The following PTPN21 variants were observed in gnomAD, a reference collection of about 807,000 sequenced individuals.
PTPN21 encodes the protein tyrosine-protein phosphatase non-receptor type 21.
In PTPN21, 77 loss-of-function variants were observed where a neutral mutation model predicts 131.8. The observed-to-expected ratio is 0.58, with a 90% CI of 0.49 to 0.71. The LOEUF is 0.71. Ranked by LOEUF, PTPN21 falls within the 30% of genes least tolerant of loss-of-function variation. PTPN21 has a pLI of 0.00. For synonymous variants in PTPN21, 715 were observed against 621.3 expected (o/e 1.15, Z -2.24); for missense variants, 1,552 against 1,527.1 (o/e 1.02, Z -0.27).
At chr14:88,546,430 G>T (rs2078781605) in intron 2 of PTPN21, among the ~76,000 whole-genome samples, 1 of 151,164 alleles carries the variant, frequency 6.6e-6, no homozygotes, top group Admixed American at 6.6e-5. Context: ...ACAAAAATTA[G>T]CCGGGCATGG....
At chr14:88,482,425 G>C (rs1247294223) in intron 12 of PTPN21, among the ~76,000 whole-genome samples, 1 of 152,096 alleles carries the variant, frequency 6.6e-6, no homozygotes, top group Non-Finnish European at 1.5e-5. Flanking sequence ...GGGAGTTTGA[G>C]ACCAGCCTGA....
In PTPN21 at chr14:88,518,288, G is replaced by A. The variant is rs1334258684; in HGVS notation, c.181-1027C>T. On this transcript the variant is annotated intron_variant, in intron 2 of 18. Coordinates refer to ENST00000556564, the MANE Select transcript of PTPN21 (RefSeq NM_007039.4). ...TATATATATATACACACACACATAC[G>A]CACACACACACACATATATGTGTAT... Among the ~76,000 whole-genome samples, 196 of 49,662 alleles carry A rather than the reference G, an allele frequency of 3.9e-3. 4 individuals carry two copies. The highest frequency in any genetic ancestry group is 0.012 in the African/African-American group (164 of 14,148). The allele number at this position is 49,662 out of a possible 152,430, so 32.6% of individuals were successfully genotyped here.
chr14:88,516,546 C>T (rs1349128967), intron 3 of PTPN21, among the ~76,000 whole-genome samples: 2 of 152,100 alleles, frequency 1.3e-5, no homozygotes, highest in Admixed American at 1.3e-4. Flanking sequence ...CTTAGTTCCT[C>T]TATTCTGCTC....
At chr14:88,532,892 G>A (rs932096415) in intron 2 of PTPN21, among the ~76,000 whole-genome samples, 2 of 152,148 alleles carry the variant, frequency 1.3e-5, no homozygotes, top group African/African-American at 4.8e-5. Context: ...AATTAGTCAT[G>A]TATTCAACAA....
chr14:88,480,453 C>CT (rs1197826071), intron 12 of PTPN21, 101 bp from the exon 13 acceptor site: 1 of 962,872 alleles, frequency 1.0e-6, no homozygotes, highest in Admixed American at 2.6e-5. Flanking sequence ...TTTAACACAG[C>CT]TTGTAAAAAT....
intron 10 of PTPN21, among the ~76,000 whole-genome samples, chr14:88,495,767 C>T (rs1036651291): frequency 1.3e-5 from 2 of 152,086 alleles, no homozygotes; most frequent in East Asian, 1.9e-4. Flanking sequence ...AAGGAGCTGT[C>T]GGAGGATCAG....
chr14:88,500,388 C>G (rs927259010), intron 8 of PTPN21, among the ~76,000 whole-genome samples: 1 of 152,104 alleles, frequency 6.6e-6, no homozygotes, highest in Non-Finnish European at 1.5e-5. Context: ...GGTGACTGTA[C>G]CACTGCACTC....
At chr14:88,471,073 C>T (rs566818261) in intron 15 of PTPN21, among the ~76,000 whole-genome samples, 5 of 152,218 alleles carry the variant, frequency 3.3e-5, no homozygotes, top group African/African-American at 4.8e-5. Context: ...AGGAAATGCT[C>T]GGTTTTTAAG....
chr14:88,479,697 C>T lies in PTPN21; in HGVS notation c.1734G>A (p.Thr578=). Residue 578 remains threonine, a synonymous_variant, in exon 13 of 19, where the codon ACG becomes ACA. Coordinates refer to ENST00000556564, the MANE Select transcript of PTPN21 (RefSeq NM_007039.4). ...TGTAAAGGTGGCGGGACAGGTCTGG[C>T]GTGCTGTTGGCGGGCCTGGGGGGCG... ...PYPPPRPANS[T]PDLSRHLYIS... 8.6e-7 allele frequency: 1 copy of T among 1,167,260 alleles called. No homozygotes were observed. Among genetic ancestry groups the T allele is most frequent in the Middle Eastern group, 2.8e-4 (1 of 3,544 alleles). 72.3% of individuals were successfully genotyped at this position (1,167,260 alleles called of 1,614,324 possible). A position where few individuals can be genotyped will look rare whatever the true frequency, so the allele number is the denominator to read the frequency against.
At chr14:88,491,345 G>T (rs969076666) in intron 10 of PTPN21, among the ~76,000 whole-genome samples, 4 of 152,138 alleles carry the variant, frequency 2.6e-5, no homozygotes, top group Non-Finnish European at 5.9e-5. Flanking sequence ...GGGTAAAGGG[G>T]ACACCCTGGG....
rs998235732 is a variant in PTPN21, at chr14:88,471,570, T to C, written c.2871+674A>G. On this transcript the variant is annotated intron_variant, in intron 15 of 18. Coordinates refer to ENST00000556564, the MANE Select transcript of PTPN21 (RefSeq NM_007039.4). ...TTACCCCAGTTTAATGGCATTATAC[T>C]GGTTCCAGGAAAAAAGCACTTCTTC... Among the ~76,000 whole-genome samples, 5 of 142,878 alleles carry C rather than the reference T, an allele frequency of 3.5e-5. No homozygotes were observed. The South Asian group carries it at 1.2e-3, about 33-fold the overall frequency. 93.7% of individuals were successfully genotyped at this position (142,878 alleles called of 152,430 possible).
intron 1 of PTPN21, among the ~76,000 whole-genome samples, chr14:88,553,553 GAATTAT>G (rs930872463): frequency 6.6e-6 from 1 of 151,848 alleles, no homozygotes; most frequent in Admixed American, 6.6e-5. Flanking sequence ...ATTGGGTCTG[GAATTAT>G]AATTTACTAA....
chr14:88,502,949 C>T (rs965524548), intron 6 of PTPN21, among the ~76,000 whole-genome samples: 1 of 151,784 alleles, frequency 6.6e-6, no homozygotes, highest in African/African-American at 2.4e-5. Flanking sequence ...AGACTAGAGG[C>T]AAAAGTTTAT....
chr14:88,477,984 T>C (rs3783887), intron 13 of PTPN21, among the ~76,000 whole-genome samples: 4,742 of 152,314 alleles, frequency 0.031, 215 homozygotes, highest in East Asian at 0.25. Flanking sequence ...ACAGTGTAGA[T>C]GATAACAGAA....
rs927763338 is a variant in PTPN21, at chr14:88,527,307, C to T, written c.181-10046G>A. Among the ~76,000 whole-genome samples the T allele has an allele frequency of 1.8e-4, 27 of 152,174 alleles. 1 individual carries two copies. On this transcript the variant is annotated intron_variant, in intron 2 of 18. Coordinates refer to ENST00000556564, the MANE Select transcript of PTPN21 (RefSeq NM_007039.4). ...AAGTGTTCCCTTCTCACCACATTTA[C>T]ACCAACATCTATTATTCTTTGATTT...
chr14:88,500,924 T>A (rs1316495701), intron 7 of PTPN21, 53 bp from the exon 8 acceptor site: 12 of 1,313,226 alleles, frequency 9.1e-6, no homozygotes, highest in Middle Eastern at 1.8e-4. Flanking sequence ...GCAGAGGAAC[T>A]GCTGCTAGAG....
chr14:88,475,099 A>C (rs1281003025), intron 13 of PTPN21, among the ~76,000 whole-genome samples: 2 of 152,138 alleles, frequency 1.3e-5, no homozygotes, highest in Non-Finnish European at 2.9e-5. Flanking sequence ...TCCAAAAAAA[A>C]AAAGAACACT....
rs115326773 is a variant in PTPN21 at position 88,535,526 on chromosome 14, T to C, written c.180+14712A>G. ...TCTTAATAGGGAATTTAACATGTAC[T>C]CTTCCTTCCTCAAAATTGTGGTGAA... On this transcript the variant is annotated intron_variant, in intron 2 of 18. Transcript: ENST00000556564. 4.9e-3 allele frequency among the ~76,000 whole-genome samples: 746 copies of C among 152,320 alleles called. 7 individuals carry two copies. Among genetic ancestry groups the C allele is most frequent in the African/African-American group, 0.017 (691 of 41,562 alleles).
chr14:88,479,378 C>G lies in PTPN21; in HGVS notation c.2053G>C (p.Glu685Gln). The change falls in exon 13 of 19, where the codon GAA (glutamate) becomes CAA (glutamine). Residue 685 changes from glutamate (E) to glutamine (Q), a missense_variant. Glu to Gln is a conservative substitution (Grantham distance 29, BLOSUM62 2). Around this residue, in one of 4 missense-constraint regions of PTPN21, gnomAD observed 1,016 missense variants for 883.5 expected, o/e 1.15. Transcript: ENST00000556564. ...AAGCCCTCCGCCTCCTCCGGCCCTT[C>G]TCGCTGTGTCCTCTCGGTGAAAACG... ...PSVFTERTQREGPEEAEGLRY... is the reference protein window; with the variant it reads ...PSVFTERTQRQGPEEAEGLRY... 6.2e-7 allele frequency: 1 copy of G among 1,609,628 alleles called. No individual in the cohort carries two copies. Among genetic ancestry groups the G allele is most frequent in the Non-Finnish European group, 8.5e-7 (1 of 1,179,604 alleles).
Sources: allele counts gnomAD v4.1 joint callset (sites outside exome capture counted in the v4.1 genomes callset), GRCh38; gene constraint gnomAD v4.1.1; regional missense constraint gnomAD v4.1.1; transcripts MANE v1.5; gene names NCBI Gene and HGNC (gene_info 2026-07-23, HGNC 2026-07-21).